SCFD2: variants seen among roughly 807,000 people sequenced by gnomAD.
SCFD2 encodes the protein sec1 family domain containing 2.
Under a neutral mutation model 58.9 loss-of-function variants are expected in SCFD2, and 54 were observed. The observed-to-expected ratio is 0.92, with a 90% confidence interval of 0.74 to 1.15. The LOEUF is 1.15. Ranked by LOEUF, SCFD2 falls within the 50% of genes most tolerant of loss-of-function variation. The probability of loss-of-function intolerance (pLI) is 0.00; values close to 1 mark genes in which losing one functional copy is unlikely to be tolerated. For missense variants in SCFD2, 805 were observed against 836.6 expected (o/e 0.96, Z 0.47); for synonymous variants, 321 against 335.9 (o/e 0.96, Z 0.49).
rs769903181 is a variant in SCFD2 at position 53,365,412 on chromosome 4, A to C, written c.530T>G (p.Phe177Cys). Reference sequence around the variant, plus strand: ...GTGCACATCCTGGGGTAGCAGTGGGAAAAGGGATGCAAAAGCTGGAGTCAA... The same window carrying C: ...GTGCACATCCTGGGGTAGCAGTGGGCAAAGGGATGCAAAAGCTGGAGTCAA... Reference protein sequence around the residue: ...FALTPAFASLFPLLPQDVHLL... With the variant: ...FALTPAFASLCPLLPQDVHLL... The change falls in exon 1 of 9, where the codon TTC (phenylalanine) becomes TGC (cysteine). Residue 177 changes from phenylalanine (F) to cysteine (C), a missense_variant. By Grantham distance (205) the Phe-to-Cys change is radical. Coordinates refer to ENST00000401642, the MANE Select transcript of SCFD2 (RefSeq NM_152540.4). The surrounding 1 kb of genome is among the most constrained non-coding windows in gnomAD (Gnocchi z 4.3). 6.2e-7 allele frequency: 1 copy of C among 1,614,162 alleles called. No individual in the cohort carries two copies. The highest frequency in any genetic ancestry group is 1.1e-5 in the South Asian group (1 of 91,080).
chr4:53,295,644 A>C (rs1045035125), intron 3 of SCFD2, among the ~76,000 whole-genome samples: 35 of 152,276 alleles, frequency 2.3e-4, no homozygotes, highest in African/African-American at 7.5e-4. Context: ...CTCTTGCCTG[A>C]TTACCCTGAT....
intron 4 of SCFD2, 125 bp from the exon 5 acceptor site, chr4:53,145,707 T>C (rs1726309254): frequency 1.1e-6 from 1 of 871,662 alleles, no homozygotes; most frequent in Non-Finnish European, 1.7e-6. Flanking sequence ...CATCACTTTT[T>C]ATTTGTGTGT....
chr4:53,339,198 A>G (rs937499403), intron 2 of SCFD2, among the ~76,000 whole-genome samples: 1 of 152,118 alleles, frequency 6.6e-6, no homozygotes, highest in African/African-American at 2.4e-5. Flanking sequence ...AGTAGCAGAA[A>G]TATTAAGATG....
chr4:53,072,728 C>T (rs368052971), intron 5 of SCFD2, among the ~76,000 whole-genome samples: 3 of 152,074 alleles, frequency 2.0e-5, no homozygotes, highest in African/African-American at 4.8e-5. Flanking sequence ...ATCTGTAAAA[C>T]TCACTGCATT....
At chr4:52,969,049 GGTGAT>G (rs1176962702) in intron 5 of SCFD2, among the ~76,000 whole-genome samples, 2 of 152,096 alleles carry the variant, frequency 1.3e-5, no homozygotes, top group Non-Finnish European at 2.9e-5. Context: ...CCATTCCCCA[GGTGAT>G]GTCCAATCAC....
rs181409211 is a variant in SCFD2 at position 53,246,832 on chromosome 4, G to A, written c.1311+26994C>T. Among the ~76,000 whole-genome samples the A allele has an allele frequency of 8.2e-3, 1,241 of 151,720 alleles. 9 individuals are homozygous for A. The highest frequency in any genetic ancestry group is 0.078 in the Middle Eastern group (23 of 294). On this transcript the variant is annotated intron_variant, in intron 4 of 8. Transcript: ENST00000401642. ...GTTGCCAAAAGCAAGTTTAACAAAA[G>A]AAAAAAATTATAAATGGGATCTAAC...
At chr4:53,292,253 A>G (rs1234577524) in intron 3 of SCFD2, among the ~76,000 whole-genome samples, 2 of 152,210 alleles carry the variant, frequency 1.3e-5, no homozygotes, top group Non-Finnish European at 2.9e-5. Context: ...CTATCCTTAG[A>G]GCAAACACAC....
At chr4:53,248,566 C>T (rs1730209108) in intron 4 of SCFD2, among the ~76,000 whole-genome samples, 1 of 152,218 alleles carries the variant, frequency 6.6e-6, no homozygotes, top group South Asian at 2.1e-4. Flanking sequence ...CAGCACGCAG[C>T]TGGAGATCTG....
intron 5 of SCFD2, among the ~76,000 whole-genome samples, chr4:53,129,129 C>T (rs552502096): frequency 6.6e-6 from 1 of 152,316 alleles, no homozygotes; most frequent in Admixed American, 6.5e-5. Flanking sequence ...GAACACTGCA[C>T]CTCATCAGTT....
chr4:53,004,120 G>A (rs1438704228), intron 5 of SCFD2, among the ~76,000 whole-genome samples: 1 of 152,162 alleles, frequency 6.6e-6, no homozygotes, highest in Admixed American at 6.5e-5. Flanking sequence ...GCAGTACTTA[G>A]GTGTCCATTC....
intron 7 of SCFD2, among the ~76,000 whole-genome samples, chr4:52,898,403 G>A (rs576533539): frequency 4.6e-5 from 7 of 152,102 alleles, no homozygotes; most frequent in Non-Finnish European, 8.8e-5. Flanking sequence ...CCTTCATTTC[G>A]TTATGCACCC....
intron 4 of SCFD2, among the ~76,000 whole-genome samples, chr4:53,178,863 C>G (rs2148945146): frequency 6.6e-6 from 1 of 152,246 alleles, no homozygotes; most frequent in East Asian, 1.9e-4. Flanking sequence ...CAGAAAGCCT[C>G]AGTAGCCGAT....
intron 3 of SCFD2, among the ~76,000 whole-genome samples, chr4:53,303,221 C>G (rs904592936): frequency 6.6e-6 from 1 of 152,132 alleles, no homozygotes; most frequent in South Asian, 2.1e-4. Flanking sequence ...TGGCTAATAT[C>G]CAGAATGTAC....
intron 4 of SCFD2, among the ~76,000 whole-genome samples, chr4:53,270,110 T>C (rs1577917471): frequency 6.6e-6 from 1 of 152,284 alleles, no homozygotes; most frequent in African/African-American, 2.4e-5. Context: ...TATCCAGCGA[T>C]TTGTATGTGT....
chr4:53,138,841 A>G (rs1213306711), intron 5 of SCFD2, among the ~76,000 whole-genome samples: 1 of 151,976 alleles, frequency 6.6e-6, no homozygotes, highest in Non-Finnish European at 1.5e-5. Context: ...TTAACAGATG[A>G]AAGAAAATCC....
chr4:53,334,275 C>A (rs1416461711), intron 2 of SCFD2, among the ~76,000 whole-genome samples: 1 of 152,120 alleles, frequency 6.6e-6, no homozygotes, highest in African/African-American at 2.4e-5. Flanking sequence ...GACTATAAAT[C>A]TTGCTGCTAT....
At chr4:53,255,824 A>T (rs1413894356) in intron 4 of SCFD2, among the ~76,000 whole-genome samples, 1 of 135,800 alleles carries the variant, frequency 7.4e-6, no homozygotes, top group Non-Finnish European at 1.6e-5. Context: ...CGGACCGGGC[A>T]GCTGGCCGGG....
At chr4:53,105,980 G>A (rs1415984439) in intron 5 of SCFD2, among the ~76,000 whole-genome samples, 6 of 151,656 alleles carry the variant, frequency 4.0e-5, no homozygotes, top group South Asian at 2.1e-4. Context: ...CCTCTGGGAC[G>A]AAGCTTCCAG....
At chr4:53,205,755 G>A (rs1254162737) in intron 4 of SCFD2, among the ~76,000 whole-genome samples, 3 of 151,912 alleles carry the variant, frequency 2.0e-5, no homozygotes, top group African/African-American at 4.8e-5. Flanking sequence ...CCAGCTACTC[G>A]GGAGGCTGAG....
Sources: allele counts gnomAD v4.1 joint callset (sites outside exome capture counted in the v4.1 genomes callset), GRCh38; gene constraint gnomAD v4.1.1; non-coding constraint Gnocchi (gnomAD v3.1); transcripts MANE v1.5; gene names NCBI Gene and HGNC (gene_info 2026-07-23, HGNC 2026-07-21).